The following IDE variants were observed in gnomAD, a reference collection of about 807,000 sequenced individuals.
The protein encoded by IDE is insulin degrading enzyme.
A neutral mutation model predicts 133.2 loss-of-function variants in IDE; 58 were observed. The ratio of observed to expected loss-of-function variants is 0.44; its 90% confidence interval spans 0.35 to 0.54. The LOEUF (loss-of-function observed/expected upper bound fraction) is 0.54. Ranked by LOEUF, IDE falls within the 20% of genes least tolerant of loss-of-function variation. IDE has a pLI of 0.00. For missense variants in IDE, 981 were observed against 1,234.0 expected, an observed-to-expected ratio of 0.79 and a Z score of 3.07; for synonymous variants, 396 against 421.3, an observed-to-expected ratio of 0.94 and a Z score of 0.73.
At chr10:92,498,344 C>T (rs1004032608) in intron 11 of IDE, among the ~76,000 whole-genome samples, 2 of 151,338 alleles carry the variant, frequency 1.3e-5, no homozygotes, top group African/African-American at 2.4e-5. Flanking sequence ...CTAGTGAGGC[C>T]GGGTATGGGG....
chr10:92,495,470 C>T (rs983425003), intron 11 of IDE, among the ~76,000 whole-genome samples: 1 of 152,032 alleles, frequency 6.6e-6, no homozygotes, highest in Admixed American at 6.6e-5. Flanking sequence ...CCGCCCACCT[C>T]GGCCTCCCAA....
chr10:92,486,793 A>C (rs1241426471), intron 13 of IDE, among the ~76,000 whole-genome samples: 1 of 152,194 alleles, frequency 6.6e-6, no homozygotes, highest in Non-Finnish European at 1.5e-5. Context: ...CAGGAAATCC[A>C]ACAGCTCCCC....
At chr10:92,572,896 G>C (rs1049548128) in intron 1 of IDE, 3 of 984,756 alleles carry the variant, frequency 3.0e-6, no homozygotes, top group Non-Finnish European at 2.4e-6. Flanking sequence ...CCCATCTTCT[G>C]ACCCTCATCA....
chr10:92,494,863 T>A (rs963609716), intron 11 of IDE, among the ~76,000 whole-genome samples: 3 of 152,146 alleles, frequency 2.0e-5, no homozygotes, highest in Non-Finnish European at 4.4e-5. Flanking sequence ...AGGGAAAAGA[T>A]GTCCAAAGAA....
At chr10:92,500,170 G>T (rs948482149) in intron 11 of IDE, among the ~76,000 whole-genome samples, 17 of 152,030 alleles carry the variant, frequency 1.1e-4, no homozygotes, top group African/African-American at 3.9e-4. Context: ...GGTGGTGCGT[G>T]CCTGTAATCC....
intron 1 of IDE, among the ~76,000 whole-genome samples, chr10:92,565,425 A>G (rs1843490179): frequency 7.3e-6 from 1 of 136,946 alleles, no homozygotes. Flanking sequence ...AAAAAAAAAA[A>G]GAAAAGAAAG....
At chr10:92,548,706 T>C (rs756203834) in intron 1 of IDE, among the ~76,000 whole-genome samples, 2 of 152,198 alleles carry the variant, frequency 1.3e-5, no homozygotes, top group African/African-American at 2.4e-5. Context: ...AAAACATTCA[T>C]TAGGTAGGCT....
chr10:92,553,285 G>A (rs1842874727), intron 1 of IDE, among the ~76,000 whole-genome samples: 1 of 151,932 alleles, frequency 6.6e-6, no homozygotes. Flanking sequence ...TTAGCCAGGT[G>A]TGGTGGCACA....
intron 1 of IDE, among the ~76,000 whole-genome samples, chr10:92,564,652 C>T (rs11187072): frequency 0.43 from 51,276 of 119,714 alleles, 10,895 homozygotes; most frequent in East Asian, 0.69. Context: ...CCAGCCTGGG[C>T]GATAAAGCGA....
rs779144013 is a variant in IDE at position 92,514,904 on chromosome 10, T to C, written c.784+16A>G. ...TTATATTATCCAATTCTATAAAAAATTGTAAGGGTTCTTACCTCGACCTAA... is the reference window on the plus strand; with the variant it reads ...TTATATTATCCAATTCTATAAAAAACTGTAAGGGTTCTTACCTCGACCTAA... On this transcript the variant is annotated intron_variant, in intron 5 of 24. Transcript: ENST00000265986. 6.9e-6 allele frequency: 11 copies of C among 1,600,312 alleles called. No homozygotes were observed. The highest frequency in any genetic ancestry group is 1.7e-4 in the Middle Eastern group (1 of 6,010).
chr10:92,493,878 C>G (rs549006034), intron 11 of IDE, among the ~76,000 whole-genome samples: 7 of 152,080 alleles, frequency 4.6e-5, no homozygotes, highest in Non-Finnish European at 1.0e-4. Context: ...ACGGTACAGA[C>G]AGAGTATACA....
chr10:92,454,307 C>T lies in IDE; in HGVS notation c.*137G>A. On this transcript the variant is annotated 3_prime_UTR_variant, in exon 25 of 25. Coordinates refer to ENST00000265986, the MANE Select transcript of IDE (RefSeq NM_004969.4). ...TTACTTTGGATTTATAATATTTCTACATAATGACATTTGACAATTTTTTGT... is the reference window on the plus strand; with the variant it reads ...TTACTTTGGATTTATAATATTTCTATATAATGACATTTGACAATTTTTTGT... 1.6e-6 allele frequency: 1 copy of T among 612,038 alleles called. No homozygotes were observed. Among genetic ancestry groups the T allele is most frequent in the South Asian group, 2.4e-5 (1 of 42,336 alleles). The allele number at this position is 612,038 out of a possible 1,614,324, so 37.9% of individuals were successfully genotyped here. A position where few individuals can be genotyped will look rare whatever the true frequency, so the allele number is the denominator to read the frequency against.
At chr10:92,521,880 C>T (rs896960346) in intron 4 of IDE, among the ~76,000 whole-genome samples, 1 of 151,774 alleles carries the variant, frequency 6.6e-6, no homozygotes. Context: ...AAATGAATTG[C>T]TATGTTTTAG....
rs751366160 is a variant in IDE, at chr10:92,485,956, AATAAG to A, written c.1656+1235_1656+1239del. Among the ~76,000 whole-genome samples the A allele has an allele frequency of 2.9e-3, 439 of 152,162 alleles. 2 individuals carry two copies. The highest frequency in any genetic ancestry group is 9.6e-3 in the African/African-American group (397 of 41,504). ...CCCTGTCTCCATAAATAAATAAATA[AATAAG>A]ATAAGATAAGATAAACAATACATAA... is the stretch of plus-strand genomic sequence containing the variant. On this transcript the variant is annotated intron_variant, in intron 13 of 24. Transcript: ENST00000265986.
At chr10:92,497,202 T>C (rs1258047002) in intron 11 of IDE, among the ~76,000 whole-genome samples, 3 of 152,188 alleles carry the variant, frequency 2.0e-5, no homozygotes, top group African/African-American at 4.8e-5. Context: ...AGATTTAATA[T>C]GGTAAAACAG....
chr10:92,468,936 TATGAGC>T lies in IDE; in HGVS notation c.2257_2262del (p.Ala753_His754del). 6.2e-7 allele frequency: 1 copy of T among 1,613,496 alleles called. No individual in the cohort carries two copies. The highest frequency in any genetic ancestry group is 8.5e-7 in the Non-Finnish European group (1 of 1,179,382). ...AGCTGACTTGGAAGGAGAGGTTTGG[TATGAGC>T]ATGTTCAATGAGGGTGTCTTCAACC... On this transcript the variant is annotated inframe_deletion, in exon 19 of 25. Coordinates refer to ENST00000265986, the MANE Select transcript of IDE (RefSeq NM_004969.4).
intron 17 of IDE, among the ~76,000 whole-genome samples, chr10:92,471,158 A>C (rs924188934): frequency 6.6e-6 from 1 of 152,102 alleles, no homozygotes; most frequent in Non-Finnish European, 1.5e-5. Context: ...ATTACTATGG[A>C]GTTCTAATGG....
chr10:92,464,141 G>A, intron 20 of IDE, 138 bp from the exon 21 acceptor site: 1 of 813,798 alleles, frequency 1.2e-6, no homozygotes. Flanking sequence ...AGAAATATGA[G>A]CACTTAAGAT....
At chr10:92,488,214 T>C (rs907543710) in intron 12 of IDE, among the ~76,000 whole-genome samples, 8 of 152,090 alleles carry the variant, frequency 5.3e-5, no homozygotes, top group Non-Finnish European at 8.8e-5. Flanking sequence ...AAACGATTCT[T>C]GTGCCTCAGC....
Sources: gnomAD v4.1 joint callset for allele counts (sites outside exome capture counted in the v4.1 genomes callset) on GRCh38, gnomAD v4.1.1 for gene constraint, MANE v1.5 for transcripts, NCBI Gene and HGNC (gene_info 2026-07-23, HGNC 2026-07-21) for gene names.